The following L3MBTL4 variants were observed in gnomAD, a reference collection of about 807,000 sequenced individuals.
L3MBTL4 encodes the protein lethal(3)malignant brain tumor-like protein 4.
L3MBTL4 carries 70 observed loss-of-function variants against 84.5 expected under a neutral mutation model. The observed-to-expected ratio is 0.83, with a 90% CI of 0.68 to 1.01. The LOEUF is 1.01. Ranked by LOEUF, L3MBTL4 falls within the 50% of genes least tolerant of loss-of-function variation. The pLI, the probability that L3MBTL4 is intolerant of heterozygous loss-of-function variation, is 0.00. For synonymous variants in L3MBTL4, 274 were observed against 259.8 expected (o/e 1.05, Z -0.52); for missense variants, 715 against 754.8 (o/e 0.95, Z 0.62).
chr18:6,196,778 G>C (rs1395209059), intron 12 of L3MBTL4, among the ~76,000 whole-genome samples: 1 of 152,192 alleles, frequency 6.6e-6, no homozygotes, highest in Non-Finnish European at 1.5e-5. Context: ...AATGAGGCTG[G>C]AGAAGCAGGA....
At chr18:6,129,366 C>CTGTGTGTGTG (rs761956097) in intron 14 of L3MBTL4, among the ~76,000 whole-genome samples, 3,873 of 138,766 alleles carry the variant, frequency 0.028, 67 homozygotes, top group South Asian at 0.04. Context: ...CTGGAATTCT[C>CTGTGTGTGTG]TCTGTGTGTG....
At position 6,029,536 on chromosome 18, in the gene L3MBTL4, A is replaced by C. The variant is rs188653201; in HGVS notation, c.1444+51345T>G. On this transcript the variant is annotated intron_variant, in intron 16 of 18. Transcript: ENST00000317931. ...AGACAATCTTAGGTGGAGGACATCA[A>C]GGAAGAAATACGTCCATTTATTGCA... is the stretch of plus-strand genomic sequence containing the variant. 190 of 985,284 alleles carry C rather than the reference A, an allele frequency of 1.9e-4. No individual in the cohort carries two copies. The African/African-American group carries it at 3.2e-3, about 17-fold the overall frequency. 61.0% of individuals were successfully genotyped at this position (985,284 alleles called of 1,614,324 possible).
intron 16 of L3MBTL4, among the ~76,000 whole-genome samples, chr18:6,034,768 T>C (rs574746146): frequency 0.015 from 2,051 of 141,052 alleles, 22 homozygotes; most frequent in Non-Finnish European, 0.022. Context: ...CCACCAACAG[T>C]GTAAAAGTGT....
intron 14 of L3MBTL4, among the ~76,000 whole-genome samples, chr18:6,124,213 G>A (rs187114730): frequency 2.6e-5 from 4 of 152,124 alleles, no homozygotes; most frequent in African/African-American, 9.6e-5. Context: ...GAGTCACGAG[G>A]GATAGATGTA....
intron 12 of L3MBTL4, among the ~76,000 whole-genome samples, chr18:6,181,406 A>G (rs2044466136): frequency 6.6e-6 from 1 of 151,734 alleles, no homozygotes; most frequent in Admixed American, 6.6e-5. Context: ...GCTCACTGCA[A>G]CCTCTGTTTC....
At chr18:6,224,927 T>A (rs2046712825) in intron 10 of L3MBTL4, among the ~76,000 whole-genome samples, 2 of 150,406 alleles carry the variant, frequency 1.3e-5, no homozygotes, top group Admixed American at 1.3e-4. Context: ...AAAAAGGAAA[T>A]TCGAAAAAAA....
intron 4 of L3MBTL4, 22 bp downstream of exon 4, chr18:6,301,881 T>C (rs761866028): frequency 6.3e-7 from 1 of 1,583,300 alleles, no homozygotes; most frequent in Non-Finnish European, 8.7e-7. Context: ...GAACTACCAC[T>C]GTAAATATTG....
intron 13 of L3MBTL4, among the ~76,000 whole-genome samples, chr18:6,143,529 AAG>A (rs1156736984): frequency 3.9e-5 from 6 of 152,234 alleles, no homozygotes; most frequent in Non-Finnish European, 8.8e-5. Flanking sequence ...TTATTACTCT[AAG>A]ATAAAGGAAA....
At chr18:6,220,020 C>A (rs944081927) in intron 10 of L3MBTL4, among the ~76,000 whole-genome samples, 2 of 151,882 alleles carry the variant, frequency 1.3e-5, no homozygotes, top group South Asian at 4.2e-4. Context: ...AGGAACATAA[C>A]GAGACCTCAC....
At chr18:6,059,642 A>C (rs187483085) in intron 16 of L3MBTL4, among the ~76,000 whole-genome samples, 5 of 152,304 alleles carry the variant, frequency 3.3e-5, no homozygotes, top group Non-Finnish European at 5.9e-5. Context: ...ATATCCTAGA[A>C]AGGAGACTAA....
intron 14 of L3MBTL4, among the ~76,000 whole-genome samples, chr18:6,098,547 A>C (rs915556680): frequency 6.6e-6 from 1 of 152,238 alleles, no homozygotes; most frequent in Non-Finnish European, 1.5e-5. Flanking sequence ...TTTCGGGAAG[A>C]GTGTCAAGTT....
At chr18:6,193,434 C>T (rs2045221925) in intron 12 of L3MBTL4, among the ~76,000 whole-genome samples, 3 of 152,176 alleles carry the variant, frequency 2.0e-5, no homozygotes, top group Admixed American at 1.3e-4. Flanking sequence ...GCAAAGAGTA[C>T]AAATCTCTCA....
chr18:6,158,532 A>G (rs2043191211), intron 13 of L3MBTL4, among the ~76,000 whole-genome samples: 1 of 152,208 alleles, frequency 6.6e-6, no homozygotes, highest in African/African-American at 2.4e-5. Context: ...CAAGGAGGCA[A>G]GAGGTGTGTA....
intron 8 of L3MBTL4, 61 bp downstream of exon 8, chr18:6,241,297 G>T: frequency 1.0e-6 from 1 of 957,166 alleles, no homozygotes; most frequent in Non-Finnish European, 1.7e-6. Context: ...AATATATAGT[G>T]AATTTTAAGA....
At chr18:5,960,910 T>C (rs991189659) in intron 17 of L3MBTL4, 2 of 152,084 alleles carry the variant, frequency 1.3e-5, no homozygotes, top group Admixed American at 6.5e-5. Context: ...GTGTTCCTAA[T>C]AGATACCTTT....
chr18:6,125,062 A>G (rs1428256749), intron 14 of L3MBTL4, among the ~76,000 whole-genome samples: 2 of 152,192 alleles, frequency 1.3e-5, no homozygotes, highest in South Asian at 2.1e-4. Context: ...AGGTTTAGAA[A>G]CGCATCTGAA....
intron 1 of L3MBTL4, among the ~76,000 whole-genome samples, chr18:6,380,484 T>G (rs1379638125): frequency 6.6e-6 from 1 of 152,204 alleles, no homozygotes; most frequent in African/African-American, 2.4e-5. Flanking sequence ...ACACACTGCT[T>G]TAAATGTGTC....
At chr18:6,139,272 G>C (rs2144652934) in intron 13 of L3MBTL4, among the ~76,000 whole-genome samples, 1 of 151,996 alleles carries the variant, frequency 6.6e-6, no homozygotes, top group Non-Finnish European at 1.5e-5. Flanking sequence ...ATAAGCTACA[G>C]TGTACTATAT....
chr18:6,375,667 G>A (rs753343372), intron 1 of L3MBTL4, among the ~76,000 whole-genome samples: 6 of 152,066 alleles, frequency 3.9e-5, no homozygotes, highest in Non-Finnish European at 8.8e-5. Context: ...ACAGGAGGTC[G>A]TCAATACCAA....
Sources: allele counts gnomAD v4.1 joint callset (sites outside exome capture counted in the v4.1 genomes callset), GRCh38; gene constraint gnomAD v4.1.1; transcripts MANE v1.5; gene names NCBI Gene and HGNC (gene_info 2026-07-23, HGNC 2026-07-21).